Variants in ZNF48 observed in about 807,000 individuals in gnomAD.
ZNF48 encodes the protein zinc finger protein 553.
Under a neutral mutation model 40.0 loss-of-function variants are expected in ZNF48, and 20 were observed. That is an observed-to-expected ratio of 0.50 (90% CI 0.35 to 0.73). ZNF48 has a LOEUF of 0.73. ZNF48 is among the 30% of genes least tolerant of loss of function. The pLI is 0.01. For missense variants in ZNF48, 726 were observed against 851.9 expected (o/e 0.85, Z 1.84); for synonymous variants, 298 against 329.7 (o/e 0.90, Z 1.04).
upstream of ZNF48, among the ~76,000 whole-genome samples, chr16:30,390,820 T>G (rs928427633): frequency 6.6e-6 from 1 of 151,852 alleles, no homozygotes; most frequent in Non-Finnish European, 1.5e-5. Context: ...GAGACGGGGT[T>G]TCACCGTGTT....
rs2049840277 is a variant in ZNF48, at chr16:30,381,054, A to C, written c.-16+2644A>C. 8.2e-7 allele frequency: 1 copy of C among 1,223,846 alleles called. No individual in the cohort carries two copies. The highest frequency in any genetic ancestry group is 2.3e-5 in the East Asian group (1 of 43,062). 75.8% of individuals were successfully genotyped at this position (1,223,846 alleles called of 1,614,324 possible). On this transcript the variant is annotated intron_variant, in intron 1 of 2. Coordinates refer to the ZNF48 transcript ENST00000528032. The surrounding 1 kb of genome is among the most constrained non-coding windows in gnomAD (Gnocchi z 4.3). ...ACCATGCTCCAGAAAGGCCACTTCAAGATCAAAGAAGTCTAAGCTGAAATC... is the reference window on the plus strand; with the variant it reads ...ACCATGCTCCAGAAAGGCCACTTCACGATCAAAGAAGTCTAAGCTGAAATC...
In ZNF48 at chr16:30,397,687, G is replaced by A; in HGVS notation, c.437G>A (p.Gly146Asp). Residue 146 changes from glycine (G) to aspartate (D), a missense_variant, in exon 3 of 3, where the codon GGC becomes GAC. Gly to Asp is a moderately conservative substitution (Grantham distance 94). Transcript: ENST00000613509. This position sits in a 1 kb window ranked among gnomAD's most constrained non-coding sequence, Gnocchi z 4.1. ...GEKPYKCGVC[G>D]KGFGDSSARI... is the part of the protein sequence containing the mutation. ...AAACCCTACAAGTGTGGGGTCTGTG[G>A]CAAGGGCTTTGGGGATAGCTCTGCC... is the stretch of plus-strand genomic sequence containing the variant. 6.2e-7 allele frequency: 1 copy of A among 1,614,034 alleles called. No homozygotes were observed. The highest frequency in any genetic ancestry group is 8.5e-7 in the Non-Finnish European group (1 of 1,179,988).
chr16:30,385,547 C>T (rs780345937), intron 1 of ZNF48, among the ~76,000 whole-genome samples: 1 of 145,686 alleles, frequency 6.9e-6, no homozygotes, highest in African/African-American at 2.5e-5. Context: ...ATCACTTGAA[C>T]CCAGGAGGCG....
At position 30,382,130 on chromosome 16, in the gene ZNF48, G is replaced by C; in HGVS notation, c.-16+3720G>C. The C allele has an allele frequency of 6.3e-7, 1 of 1,590,732 alleles. No homozygotes were observed. The highest frequency in any genetic ancestry group is 8.6e-7 in the Non-Finnish European group (1 of 1,168,348). On this transcript the variant is annotated intron_variant, in intron 1 of 2. Coordinates refer to the ZNF48 transcript ENST00000528032. The surrounding 1 kb of genome is among the most constrained non-coding windows in gnomAD (Gnocchi z 4.8). ...GCACCTGGCGATCCTCATAGAGGTT[G>C]GTGAGGAAGAGGCTGTTGATGAGGG...
chr16:30,395,104 G>A, upstream of ZNF48: 1 of 410,712 alleles, frequency 2.4e-6, no homozygotes, highest in South Asian at 1.7e-5. This position sits in a 1 kb window ranked among gnomAD's most constrained non-coding sequence, Gnocchi z 5.9. Context: ...TCCGTCTTTG[G>A]ATCCCTCTTT....
upstream of ZNF48, among the ~76,000 whole-genome samples, chr16:30,393,317 G>A (rs1017022105): frequency 6.7e-6 from 1 of 149,526 alleles, no homozygotes; most frequent in African/African-American, 2.5e-5. Context: ...CCTCAAGTGA[G>A]CTCCTGCCTC....
At position 30,398,773 on chromosome 16, in the gene ZNF48, C is replaced by T. The variant is rs894526706; in HGVS notation, c.1523C>T (p.Pro508Leu). The change falls in exon 3 of 3, where the codon CCA becomes CTA. Residue 508 changes from proline to leucine, a missense_variant. By Grantham distance (98) the Pro-to-Leu change is moderately conservative. Around this residue, in one of 5 missense-constraint regions of ZNF48, gnomAD observed 166 missense variants for 163.6 expected, o/e 1.01. Transcript: ENST00000613509. This position sits in a 1 kb window ranked among gnomAD's most constrained non-coding sequence, Gnocchi z 6.6. ...LRTHRGERAR[P>L]PPPSTLLRPH... Reference sequence around the variant, plus strand: ...ACCCACCGTGGTGAACGGGCCCGGCCACCACCACCATCCACTCTGCTGCGG... The same window carrying T: ...ACCCACCGTGGTGAACGGGCCCGGCTACCACCACCATCCACTCTGCTGCGG... 1 of 1,613,662 alleles carries T rather than the reference C, an allele frequency of 6.2e-7. No individual in the cohort carries two copies. The highest frequency in any genetic ancestry group is 8.5e-7 in the Non-Finnish European group (1 of 1,179,998).
At chr16:30,396,158 T>A (rs1294984989) in intron 2 of ZNF48, among the ~76,000 whole-genome samples, 1 of 152,190 alleles carries the variant, frequency 6.6e-6, no homozygotes, top group East Asian at 1.9e-4. Flanking sequence ...CTCTGCCCCT[T>A]TCTCTCCACT....
Position 30,381,607 on chromosome 16 carries a change from C to T in ZNF48, c.-16+3197C>T, listed in dbSNP as rs2049850188. 6.9e-7 allele frequency: 1 copy of T among 1,454,088 alleles called. No individual in the cohort carries two copies. The highest frequency in any genetic ancestry group is 1.3e-5 in the South Asian group (1 of 78,466). The allele number at this position is 1,454,088 out of a possible 1,614,324, so 90.1% of individuals were successfully genotyped here. ...GACATTAAGGGGAACTGGTGGGGGC[C>T]TAGGTGAGTCATCAAGAAGCACAGG... On this transcript the variant is annotated intron_variant, in intron 1 of 2. Coordinates refer to the ZNF48 transcript ENST00000528032. The surrounding 1 kb of genome is among the most constrained non-coding windows in gnomAD (Gnocchi z 4.3).
At chr16:30,378,418 C>A in intron 1 of ZNF48, 1 of 1,554,700 alleles carries the variant, frequency 6.4e-7, no homozygotes, top group South Asian at 1.2e-5. Context: ...GAGGTAAGGC[C>A]GGGCGGGGCG....
At position 30,398,375 on chromosome 16, in the gene ZNF48, T is replaced by A. The variant is rs763347893; in HGVS notation, c.1125T>A (p.Leu375=). Residue 375 remains leucine, a synonymous_variant, in exon 3 of 3, where the codon CTT becomes CTA. Transcript: ENST00000613509. The surrounding 1 kb of genome is among the most constrained non-coding windows in gnomAD (Gnocchi z 6.6). The stretch of plus-strand genomic sequence containing the variant: ...CCTTCAGCCTCAGCTCCACCCTTCT[T>A]CGCCACCGCCTCACTCACATGGAGC... ...DRTFSLSSTL[L]RHRLTHMEPQ... 32 of 1,612,696 alleles carry A rather than the reference T, an allele frequency of 2.0e-5. No homozygotes were observed. The highest frequency in any genetic ancestry group is 2.7e-5 in the African/African-American group (2 of 74,748).
At chr16:30,380,691 G>A (rs772221814) in intron 1 of ZNF48, 64 of 175,126 alleles carry the variant, frequency 3.7e-4, no homozygotes, top group Non-Finnish European at 7.4e-4. Context: ...GATCACTTGC[G>A]CCTACAAGTT....
intron 1 of ZNF48, chr16:30,378,696 G>C: frequency 6.2e-7 from 1 of 1,607,394 alleles, no homozygotes; most frequent in Non-Finnish European, 8.5e-7. Context: ...TGGCGGGAAA[G>C]CTTACTGCGG....
chr16:30,393,391 A>G (rs2049956342), upstream of ZNF48, among the ~76,000 whole-genome samples: 2 of 148,730 alleles, frequency 1.3e-5, no homozygotes, highest in Admixed American at 1.3e-4. Flanking sequence ...AATTTTATTT[A>G]TTTATTTTTT....
chr16:30,379,209 C>T, intron 1 of ZNF48: 1 of 1,612,642 alleles, frequency 6.2e-7, no homozygotes, highest in Non-Finnish European at 8.5e-7. Flanking sequence ...CGCGGACCAG[C>T]GAACGTCAGG....
chr16:30,392,463 T>G, upstream of ZNF48, among the ~76,000 whole-genome samples: 1 of 152,158 alleles, frequency 6.6e-6, no homozygotes, highest in East Asian at 1.9e-4. Context: ...ATATTAGGTT[T>G]TCAATTAGTA....
In ZNF48 at chr16:30,382,648, A is replaced by G; in HGVS notation, c.-16+4238A>G. On this transcript the variant is annotated intron_variant, in intron 1 of 2. Transcript: ENST00000528032. This position sits in a 1 kb window ranked among gnomAD's most constrained non-coding sequence, Gnocchi z 4.8. Reference sequence around the variant, plus strand: ...GCAGCTGAGATGCTCAAACTGGCCCAGTCCCAGAGAGGTGGGGAAGGCCAA... The same window carrying G: ...GCAGCTGAGATGCTCAAACTGGCCCGGTCCCAGAGAGGTGGGGAAGGCCAA... 1 of 1,539,342 alleles carries G rather than the reference A, an allele frequency of 6.5e-7. No homozygotes were observed. The highest frequency in any genetic ancestry group is 8.7e-7 in the Non-Finnish European group (1 of 1,144,322).
chr16:30,395,998 AG>A lies in ZNF48; in HGVS notation c.79+129del. The A allele has an allele frequency of 9.5e-7, 1 of 1,050,268 alleles. No individual in the cohort carries two copies. The highest frequency in any genetic ancestry group is 2.3e-5 in the South Asian group (1 of 43,814). The allele number at this position is 1,050,268 out of a possible 1,614,324, so 65.1% of individuals were successfully genotyped here. On this transcript the variant is annotated intron_variant, in intron 2 of 2. Coordinates refer to ENST00000613509, the MANE Select transcript of ZNF48 (RefSeq NM_001214909.2). The surrounding 1 kb of genome is among the most constrained non-coding windows in gnomAD (Gnocchi z 5.9). ...GCTGTGCCTCTGGGGAGATAGGGGGAGGGGAGCTTTCGGAGCACCAACTGTG... is the reference window on the plus strand; with the variant it reads ...GCTGTGCCTCTGGGGAGATAGGGGGAGGGAGCTTTCGGAGCACCAACTGTG...
In ZNF48 at chr16:30,382,784, T is replaced by A. The variant is rs768650781; in HGVS notation, c.-16+4374T>A. 6.5e-7 allele frequency: 1 copy of A among 1,535,694 alleles called. No homozygotes were observed. The highest frequency in any genetic ancestry group is 1.2e-5 in the South Asian group (1 of 84,052). Reference sequence around the variant, plus strand: ...TCTGGATTCCAAGTCCCACTGTAGCTCCATCATCGTGGTGAGACATGGGGT... The same window carrying A: ...TCTGGATTCCAAGTCCCACTGTAGCACCATCATCGTGGTGAGACATGGGGT... On this transcript the variant is annotated intron_variant, in intron 1 of 2. Coordinates refer to the ZNF48 transcript ENST00000528032. The surrounding 1 kb of genome is among the most constrained non-coding windows in gnomAD (Gnocchi z 4.8).
Sources: gnomAD v4.1 joint callset for allele counts (sites outside exome capture counted in the v4.1 genomes callset) on GRCh38, gnomAD v4.1.1 for gene constraint, gnomAD v4.1.1 regional missense constraint, Gnocchi (gnomAD v3.1) non-coding constraint, MANE v1.5 for transcripts, NCBI Gene and HGNC (gene_info 2026-07-23, HGNC 2026-07-21) for gene names.